LRMDA: variants seen among roughly 807,000 people sequenced by gnomAD.
LRMDA encodes leucine-rich melanocyte differentiation-associated protein.
Under a neutral mutation model 29.8 loss-of-function variants are expected in LRMDA, and 18 were observed. The observed-to-expected ratio is 0.60, with a 90% CI of 0.42 to 0.90. The LOEUF (loss-of-function observed/expected upper bound fraction) is 0.90, where lower values mean the gene tolerates loss of function less well. Among genes scored for constraint, LRMDA ranks in the 40% least tolerant of loss-of-function variants. The pLI is 0.00. For missense variants in LRMDA, 273 were observed against 273.9 expected, an observed-to-expected ratio of 1.00 and a Z score of 0.02; for synonymous variants, 125 against 109.4, an observed-to-expected ratio of 1.14 and a Z score of -0.89.
chr10:75,785,823 A>G (rs899046629), intron 2 of LRMDA, among the ~76,000 whole-genome samples: 6 of 152,254 alleles, frequency 3.9e-5, no homozygotes, highest in African/African-American at 1.2e-4. Context: ...GTTAAATACC[A>G]GTACCCCTGC....
intron 6 of LRMDA, among the ~76,000 whole-genome samples, chr10:76,328,065 G>GAA (rs1840858854): frequency 6.6e-6 from 1 of 152,194 alleles, no homozygotes; most frequent in Non-Finnish European, 1.5e-5. Flanking sequence ...GATTTAGAAT[G>GAA]GTCCACCTGA....
chr10:76,082,840 C>T (rs894370688), intron 5 of LRMDA, among the ~76,000 whole-genome samples: 8 of 152,102 alleles, frequency 5.3e-5, no homozygotes, highest in South Asian at 2.1e-4. Flanking sequence ...ATAAATATCC[C>T]GATGAAATTC....
intron 2 of LRMDA, among the ~76,000 whole-genome samples, chr10:75,750,631 C>A (rs1406470744): frequency 1.3e-5 from 2 of 149,292 alleles, no homozygotes; most frequent in East Asian, 4.1e-4. Flanking sequence ...CTCCTCACAT[C>A]CCAGATGATG....
rs1160393097 is a variant in LRMDA, at chr10:76,036,024, A to G, written c.148A>G (p.Ser50Gly). The change falls in exon 3 of 7, where the codon AGC becomes GGC. Residue 50 changes from serine (S) to glycine (G), a missense_variant. Ser to Gly is a moderately conservative substitution (Grantham distance 56, BLOSUM62 0). Transcript: ENST00000611255. ...TCATTGCAGGTCACTGGAAGGACTG[A>G]GCGCATTCAGGAGCCTGGAGGAACT... ...FNLLRSLEGLSAFRSLEELIL... is the reference protein window; with the variant it reads ...FNLLRSLEGLGAFRSLEELIL... 1 of 1,614,102 alleles carries G rather than the reference A, an allele frequency of 6.2e-7. No individual in the cohort carries two copies.
intron 5 of LRMDA, among the ~76,000 whole-genome samples, chr10:76,261,635 A>G (rs935435596): frequency 2.6e-5 from 4 of 152,212 alleles, no homozygotes; most frequent in Admixed American, 6.5e-5. Flanking sequence ...GTTTATTGTT[A>G]TTTAAACTCA....
intron 6 of LRMDA, among the ~76,000 whole-genome samples, chr10:76,392,227 C>T (rs1841731006): frequency 6.6e-6 from 1 of 152,028 alleles, no homozygotes; most frequent in East Asian, 1.9e-4. Flanking sequence ...TCTTCATTCA[C>T]AGTGGAACAG....
intron 6 of LRMDA, among the ~76,000 whole-genome samples, chr10:76,541,367 G>C (rs189936535): frequency 3.3e-5 from 5 of 152,258 alleles, no homozygotes; most frequent in Admixed American, 3.3e-4. Context: ...CAGGCATGGG[G>C]GCACATGCCT....
intron 5 of LRMDA, among the ~76,000 whole-genome samples, chr10:76,117,805 A>G (rs919609994): frequency 6.6e-6 from 1 of 152,160 alleles, no homozygotes; most frequent in African/African-American, 2.4e-5. Context: ...TATTCAGGAT[A>G]TTGTCAGACA....
At chr10:76,424,458 G>C (rs981932085) in intron 6 of LRMDA, among the ~76,000 whole-genome samples, 3 of 152,162 alleles carry the variant, frequency 2.0e-5, no homozygotes, top group Non-Finnish European at 4.4e-5. Context: ...AGAATTGCGT[G>C]AACCTGGGAG....
At chr10:76,186,294 C>A (rs1025538313) in intron 5 of LRMDA, among the ~76,000 whole-genome samples, 4 of 152,324 alleles carry the variant, frequency 2.6e-5, no homozygotes, top group Non-Finnish European at 4.4e-5. Context: ...AGCCCCCACC[C>A]CCAGGGCAGC....
chr10:75,638,113 A>G (rs1258776459), intron 2 of LRMDA, among the ~76,000 whole-genome samples: 6 of 152,156 alleles, frequency 3.9e-5, no homozygotes, highest in African/African-American at 1.2e-4. Flanking sequence ...GTCCCAATAC[A>G]GGATACAGAC....
intron 2 of LRMDA, among the ~76,000 whole-genome samples, chr10:75,906,445 G>A (rs571630852): frequency 3.3e-5 from 5 of 152,254 alleles, no homozygotes; most frequent in African/African-American, 1.2e-4. Context: ...GCCAATTAGA[G>A]GTCTAACCAG....
At chr10:75,579,559 T>C (rs1239182576) in intron 2 of LRMDA, among the ~76,000 whole-genome samples, 6 of 152,228 alleles carry the variant, frequency 3.9e-5, no homozygotes, top group Non-Finnish European at 8.8e-5. Context: ...GAATCCTCCC[T>C]AACTCATTTT....
intron 6 of LRMDA, among the ~76,000 whole-genome samples, chr10:76,345,980 G>A (rs1841104162): frequency 6.6e-6 from 1 of 152,132 alleles, no homozygotes; most frequent in Non-Finnish European, 1.5e-5. Context: ...AGATCTCCAA[G>A]ACATATTTTT....
chr10:76,283,464 A>G (rs1840232084), intron 5 of LRMDA, among the ~76,000 whole-genome samples: 1 of 152,176 alleles, frequency 6.6e-6, no homozygotes, highest in Admixed American at 6.5e-5. Context: ...AGTAAGGGGA[A>G]GAGGAAGTTC....
chr10:75,458,323 A>C (rs994594606), intron 2 of LRMDA, among the ~76,000 whole-genome samples: 2 of 152,136 alleles, frequency 1.3e-5, no homozygotes, highest in Non-Finnish European at 2.9e-5. Flanking sequence ...TTGGTTTTGC[A>C]AAGTTAGGGC....
At chr10:76,053,365 A>G (rs187184679) in intron 4 of LRMDA, among the ~76,000 whole-genome samples, 18 of 152,290 alleles carry the variant, frequency 1.2e-4, no homozygotes, top group Non-Finnish European at 1.5e-4. Flanking sequence ...ACTTTAGGAT[A>G]CGGCTGTGAT....
intron 5 of LRMDA, among the ~76,000 whole-genome samples, chr10:76,173,861 C>T (rs1017246929): frequency 3.3e-5 from 5 of 152,070 alleles, no homozygotes; most frequent in Non-Finnish European, 7.4e-5. Context: ...GGGGTTTCAC[C>T]GTGTTAGCTA....
intron 6 of LRMDA, among the ~76,000 whole-genome samples, chr10:76,547,567 G>A (rs1462887279): frequency 6.6e-6 from 1 of 152,094 alleles, no homozygotes; most frequent in African/African-American, 2.4e-5. Context: ...TAGTGGTGAT[G>A]CTCCCGACTT....
Sources: allele counts gnomAD v4.1 joint callset (sites outside exome capture counted in the v4.1 genomes callset), GRCh38; gene constraint gnomAD v4.1.1; transcripts MANE v1.5; gene names NCBI Gene and HGNC (gene_info 2026-07-23, HGNC 2026-07-21).